Variants in MALRD1 observed in about 807,000 individuals in gnomAD.
The protein encoded by MALRD1 is MAM and LDL-receptor class A domain-containing protein 1.
MALRD1 carries 247 observed loss-of-function variants against 242.1 expected under a neutral mutation model. That is an observed-to-expected ratio of 1.02 (90% CI 0.92 to 1.13). The LOEUF is 1.13. Ranked by LOEUF, MALRD1 falls within the 50% of genes most tolerant of loss-of-function variation. The pLI, the probability that MALRD1 is intolerant of heterozygous loss-of-function variation, is 0.00. For missense variants in MALRD1, 2,989 were observed against 2,533.1 expected (o/e 1.18, Z -3.86); for synonymous variants, 995 against 866.6 (o/e 1.15, Z -2.60).
intron 32 of MALRD1, among the ~76,000 whole-genome samples, chr10:19,555,010 A>G (rs1835652369): frequency 6.6e-6 from 1 of 152,128 alleles, no homozygotes; most frequent in Non-Finnish European, 1.5e-5. Context: ...CATTCCTACC[A>G]ACAGTGTAAA....
chr10:19,518,472 T>A (rs11010227), intron 31 of MALRD1, among the ~76,000 whole-genome samples: 68,086 of 151,922 alleles, frequency 0.45, 16,161 homozygotes, highest in Non-Finnish European at 0.54. Context: ...AATGTCAAAG[T>A]TGATATTTTA....
intron 38 of MALRD1, among the ~76,000 whole-genome samples, chr10:19,700,608 T>C (rs1001635664): frequency 6.6e-6 from 1 of 152,222 alleles, no homozygotes; most frequent in Non-Finnish European, 1.5e-5. Context: ...CTCTGCTACC[T>C]AATAGAAGTG....
At chr10:19,268,946 T>G (rs1381332121) in intron 19 of MALRD1, among the ~76,000 whole-genome samples, 1 of 152,190 alleles carries the variant, frequency 6.6e-6, no homozygotes, top group African/African-American at 2.4e-5. Context: ...TTGGTTCCCC[T>G]GTGGCTCAGA....
chr10:19,159,631 C>G (rs1834310631), intron 12 of MALRD1, among the ~76,000 whole-genome samples: 1 of 149,728 alleles, frequency 6.7e-6, no homozygotes, highest in Non-Finnish European at 1.5e-5. Flanking sequence ...AGGAGATGAT[C>G]AAAATTAAAA....
At chr10:19,333,135 CT>C (rs113082273) in intron 24 of MALRD1, among the ~76,000 whole-genome samples, 2 of 151,082 alleles carry the variant, frequency 1.3e-5, no homozygotes, top group Non-Finnish European at 1.5e-5. Flanking sequence ...CACACCACTT[CT>C]TTTTAAAAAA....
rs369131548 is a variant in MALRD1, at chr10:19,530,434, A to G, written c.5321-760A>G. Reference sequence around the variant, plus strand: ...TTATATAATAATAAATATATAATATATATAATATATAATATATAATATATA... The same window carrying G: ...TTATATAATAATAAATATATAATATGTATAATATATAATATATAATATATA... On this transcript the variant is annotated intron_variant, in intron 31 of 39. Coordinates refer to ENST00000454679, the MANE Select transcript of MALRD1 (RefSeq NM_001142308.3). Among the ~76,000 whole-genome samples, 11 of 29,588 alleles carry G rather than the reference A, an allele frequency of 3.7e-4. 2 individuals are homozygous for G. Among genetic ancestry groups the G allele is most frequent in the East Asian group, 8.4e-4 (1 of 1,190 alleles). 19.4% of individuals were successfully genotyped at this position (29,588 alleles called of 152,430 possible). A position where few individuals can be genotyped will look rare whatever the true frequency, so the allele number is the denominator to read the frequency against.
chr10:19,411,248 T>A (rs1020246961), intron 28 of MALRD1, among the ~76,000 whole-genome samples: 1 of 152,172 alleles, frequency 6.6e-6, no homozygotes, highest in Non-Finnish European at 1.5e-5. Flanking sequence ...GTCAGCTAGG[T>A]AAAGATATGA....
intron 33 of MALRD1, among the ~76,000 whole-genome samples, chr10:19,581,365 C>T (rs1335690234): frequency 2.5e-5 from 3 of 121,822 alleles, no homozygotes; most frequent in Non-Finnish European, 5.0e-5. Context: ...GCTATCCCTC[C>T]CCCCTCCCCC....
intron 28 of MALRD1, among the ~76,000 whole-genome samples, chr10:19,432,705 A>G (rs1290913976): frequency 1.3e-5 from 2 of 152,240 alleles, no homozygotes; most frequent in Non-Finnish European, 2.9e-5. Context: ...TTCAACATGA[A>G]TAAGAATGGA....
At chr10:19,138,716 G>A (rs955822318) in intron 10 of MALRD1, among the ~76,000 whole-genome samples, 12 of 152,110 alleles carry the variant, frequency 7.9e-5, no homozygotes, top group African/African-American at 2.9e-4. Context: ...CACTGCACCT[G>A]GGCACTTGTA....
At chr10:19,369,951 T>C (rs1845300789) in intron 26 of MALRD1, among the ~76,000 whole-genome samples, 1 of 152,144 alleles carries the variant, frequency 6.6e-6, no homozygotes, top group South Asian at 2.1e-4. Flanking sequence ...TAATGGTTGC[T>C]GCTTTCTATG....
intron 36 of MALRD1, among the ~76,000 whole-genome samples, chr10:19,671,513 G>C (rs1841917758): frequency 6.6e-6 from 1 of 151,884 alleles, no homozygotes; most frequent in Non-Finnish European, 1.5e-5. Flanking sequence ...AGTAGCTCAG[G>C]AGGTTGAGGC....
At chr10:19,377,657 A>G (rs557549594) in intron 26 of MALRD1, among the ~76,000 whole-genome samples, 2 of 151,812 alleles carry the variant, frequency 1.3e-5, no homozygotes, top group Admixed American at 6.6e-5. Flanking sequence ...TTCATTTTTG[A>G]TACAAATCCT....
intron 14 of MALRD1, among the ~76,000 whole-genome samples, chr10:19,200,777 C>T (rs1458215052): frequency 6.6e-6 from 1 of 150,684 alleles, no homozygotes; most frequent in East Asian, 2.0e-4. Context: ...CGCCTTTTCT[C>T]CAGGGGCAAC....
intron 4 of MALRD1, among the ~76,000 whole-genome samples, chr10:19,098,032 G>A (rs1588539095): frequency 6.6e-6 from 1 of 152,174 alleles, no homozygotes; most frequent in East Asian, 1.9e-4. Flanking sequence ...TAAGAAACTT[G>A]CTTTCACTTT....
chr10:19,311,292 T>C (rs1000738028), intron 21 of MALRD1, among the ~76,000 whole-genome samples: 4 of 151,314 alleles, frequency 2.6e-5, no homozygotes, highest in African/African-American at 7.3e-5. Context: ...AAGTTTCTTA[T>C]AAAAAAAGAA....
chr10:19,224,927 A>G (rs1313626251), intron 18 of MALRD1, among the ~76,000 whole-genome samples: 1 of 152,068 alleles, frequency 6.6e-6, no homozygotes, highest in Admixed American at 6.6e-5. Flanking sequence ...CTATGTTCTG[A>G]ATGGTATTGG....
chr10:19,376,963 CTT>C (rs954039280), intron 26 of MALRD1, among the ~76,000 whole-genome samples: 4 of 152,092 alleles, frequency 2.6e-5, no homozygotes, highest in Admixed American at 1.3e-4. Flanking sequence ...AAGGAGGACT[CTT>C]TTATTTTTCA....
At position 19,175,657 on chromosome 10, in the gene MALRD1, A is replaced by T. The variant is rs533557059; in HGVS notation, c.1951+329A>T. 4.0e-5 allele frequency among the ~76,000 whole-genome samples: 6 copies of T among 151,872 alleles called. No individual in the cohort carries two copies. The South Asian group carries it at 1.2e-3, about 31-fold the overall frequency. On this transcript the variant is annotated intron_variant, in intron 14 of 39. Coordinates refer to ENST00000454679, the MANE Select transcript of MALRD1 (RefSeq NM_001142308.3). ...CACTTTTATAAATATTCACTTCTCC[A>T]TTAATTTTATTCAGAACTTCAAATG...
Sources: gnomAD v4.1 joint callset for allele counts (sites outside exome capture counted in the v4.1 genomes callset) on GRCh38, gnomAD v4.1.1 for gene constraint, MANE v1.5 for transcripts, NCBI Gene and HGNC (gene_info 2026-07-23, HGNC 2026-07-21) for gene names.